The following BBS9 variants were observed in gnomAD, a reference collection of about 807,000 sequenced individuals.
BBS9 encodes the protein Bardet-Biedl syndrome 9.
A neutral mutation model predicts 117.7 loss-of-function variants in BBS9; 89 were observed. The ratio of observed to expected loss-of-function variants is 0.76; its 90% CI spans 0.64 to 0.90. The LOEUF (loss-of-function observed/expected upper bound fraction) is 0.90. BBS9 is among the 40% of genes least tolerant of loss of function. BBS9 has a pLI of 0.00. For missense variants in BBS9, 982 were observed against 1,042.2 expected (o/e 0.94, Z 0.80); for synonymous variants, 379 against 370.9 (o/e 1.02, Z -0.25).
intron 19 of BBS9, among the ~76,000 whole-genome samples, chr7:33,488,863 A>C (rs968168739): frequency 6.6e-6 from 1 of 152,186 alleles, no homozygotes; most frequent in African/African-American, 2.4e-5. Context: ...AAATTCACCA[A>C]GAAAAGTAGT....
chr7:33,540,985 T>C (rs1329959310), intron 21 of BBS9, among the ~76,000 whole-genome samples: 1 of 152,252 alleles, frequency 6.6e-6, no homozygotes, highest in African/African-American at 2.4e-5. Flanking sequence ...ACAGGTTTCC[T>C]CATAGAACAT....
chr7:33,218,812 G>GGCAGCCCTT (rs1789571823), intron 5 of BBS9, among the ~76,000 whole-genome samples: 1 of 152,248 alleles, frequency 6.6e-6, no homozygotes, highest in Non-Finnish European at 1.5e-5. Context: ...ACAGCGTGCT[G>GGCAGCCCTT]GCAGCCCTTG....
intron 2 of BBS9, among the ~76,000 whole-genome samples, chr7:33,151,164 A>G (rs1241529052): frequency 6.6e-6 from 1 of 152,104 alleles, no homozygotes; most frequent in East Asian, 1.9e-4. Flanking sequence ...AGGTGGGAGG[A>G]TCAATTGAGC....
chr7:33,358,226 T>C (rs1371994756), intron 16 of BBS9, among the ~76,000 whole-genome samples: 1 of 151,872 alleles, frequency 6.6e-6, no homozygotes, highest in Non-Finnish European at 1.5e-5. Context: ...AATAATTATT[T>C]TGCTATGGTA....
At chr7:33,589,945 G>A (rs1222691746) in intron 21 of BBS9, among the ~76,000 whole-genome samples, 1 of 152,124 alleles carries the variant, frequency 6.6e-6, no homozygotes, top group Admixed American at 6.6e-5. Flanking sequence ...CTTTTAGGAA[G>A]TTTGGGAGAA....
At chr7:33,388,357 G>A (rs144298564) in intron 19 of BBS9, among the ~76,000 whole-genome samples, 2 of 152,140 alleles carry the variant, frequency 1.3e-5, no homozygotes, top group African/African-American at 2.4e-5. Context: ...TTACATGAGC[G>A]CCCTCAGTTT....
At chr7:33,441,255 G>A (rs555137787) in intron 19 of BBS9, among the ~76,000 whole-genome samples, 3 of 150,432 alleles carry the variant, frequency 2.0e-5, no homozygotes, top group East Asian at 2.0e-4. Context: ...GCTGGGTTTT[G>A]GGGAAAGGAT....
chr7:33,476,182 T>A (rs1841774453), intron 19 of BBS9, among the ~76,000 whole-genome samples: 1 of 152,206 alleles, frequency 6.6e-6, no homozygotes, highest in Admixed American at 6.5e-5. Flanking sequence ...GGTTTTCTAT[T>A]TTACATAAGT....
intron 2 of BBS9, among the ~76,000 whole-genome samples, chr7:33,147,621 T>C (rs575805381): frequency 9.8e-5 from 15 of 152,332 alleles, no homozygotes; most frequent in African/African-American, 3.1e-4. Context: ...TATTTGGCCA[T>C]GTAAGAGTCA....
intron 9 of BBS9, among the ~76,000 whole-genome samples, chr7:33,312,109 GA>G (rs764681801): frequency 2.2e-4 from 33 of 152,268 alleles, no homozygotes; most frequent in Non-Finnish European, 3.8e-4. Flanking sequence ...TCCTCCACCA[GA>G]AATACCTTTT....
chr7:33,227,663 G>A (rs1311787561), intron 5 of BBS9, among the ~76,000 whole-genome samples: 1 of 151,708 alleles, frequency 6.6e-6, no homozygotes, highest in Non-Finnish European at 1.5e-5. Flanking sequence ...CTATGCTTTT[G>A]CATCCTCATA....
chr7:33,340,822 C>T lies in BBS9; in HGVS notation c.1199-75C>T, dbSNP rs1816361227. On this transcript the variant is annotated intron_variant, in intron 10 of 22. Coordinates refer to ENST00000242067, the MANE Select transcript of BBS9 (RefSeq NM_198428.3). The stretch of plus-strand genomic sequence containing the variant: ...GGGTTTTTTTTATATGTGGTATAGA[C>T]AAACCTTTAAAGAAAAACTATATAT... The T allele has an allele frequency of 6.7e-6, 9 of 1,339,942 alleles. No homozygotes were observed. The South Asian group carries it at 7.6e-5, about 11-fold the overall frequency. 83.0% of individuals were successfully genotyped at this position (1,339,942 alleles called of 1,614,324 possible).
chr7:33,367,144 G>T (rs748309675), intron 16 of BBS9, among the ~76,000 whole-genome samples: 2 of 152,050 alleles, frequency 1.3e-5, no homozygotes, highest in South Asian at 2.1e-4. Context: ...TTTAGTAGTT[G>T]TTATATGGTG....
chr7:33,227,495 G>T (rs1032821577), intron 5 of BBS9, among the ~76,000 whole-genome samples: 4 of 151,952 alleles, frequency 2.6e-5, no homozygotes, highest in Admixed American at 6.6e-5. Context: ...TTTGGGAATG[G>T]GTGGTTTTTG....
chr7:33,281,323 G>T (rs1801848120), intron 9 of BBS9, among the ~76,000 whole-genome samples: 1 of 136,494 alleles, frequency 7.3e-6, no homozygotes, highest in African/African-American at 2.7e-5. Flanking sequence ...TGTTTGCTTT[G>T]AGTTCACTTA....
intron 21 of BBS9, among the ~76,000 whole-genome samples, chr7:33,566,006 G>C (rs1315730838): frequency 6.6e-6 from 1 of 150,806 alleles, no homozygotes; most frequent in Non-Finnish European, 1.5e-5. Flanking sequence ...AAAAATGTAA[G>C]GAGTGTGGTC....
At chr7:33,588,109 C>T (rs1861252836) in intron 21 of BBS9, among the ~76,000 whole-genome samples, 1 of 152,018 alleles carries the variant, frequency 6.6e-6, no homozygotes, top group Non-Finnish European at 1.5e-5. Context: ...AACTTTGATT[C>T]CTACAGAAAT....
chr7:33,180,947 G>T (rs1303187070), intron 5 of BBS9, among the ~76,000 whole-genome samples: 2 of 152,186 alleles, frequency 1.3e-5, no homozygotes, highest in Non-Finnish European at 2.9e-5. Flanking sequence ...CATCATAAAG[G>T]CGACAAAGTA....
chr7:33,232,547 A>G (rs1204983248), intron 5 of BBS9, among the ~76,000 whole-genome samples: 1 of 152,080 alleles, frequency 6.6e-6, no homozygotes, highest in Non-Finnish European at 1.5e-5. Context: ...TAAAGATGCT[A>G]GAGCTCATCA....
Sources: gnomAD v4.1 joint callset for allele counts (sites outside exome capture counted in the v4.1 genomes callset) on GRCh38, gnomAD v4.1.1 for gene constraint, MANE v1.5 for transcripts, NCBI Gene and HGNC (gene_info 2026-07-23, HGNC 2026-07-21) for gene names.